Variants in UBTD1 observed in about 807,000 individuals in gnomAD.
The protein encoded by UBTD1 is ubiquitin domain-containing protein 1.
A neutral mutation model predicts 21.7 loss-of-function variants in UBTD1; 19 were observed. The ratio of observed to expected loss-of-function variants is 0.87; its 90% CI spans 0.61 to 1.28. The LOEUF is 1.28. Among genes scored for constraint, UBTD1 ranks in the 50% most tolerant of loss-of-function variants. The probability of loss-of-function intolerance (pLI) is 0.00; values close to 1 mark genes in which losing one functional copy is unlikely to be tolerated. For missense variants in UBTD1, 282 were observed against 315.1 expected, an observed-to-expected ratio of 0.89 and a Z score of 0.80; for synonymous variants, 116 against 135.1, an observed-to-expected ratio of 0.86 and a Z score of 0.98.
chr10:97,546,610 G>A (rs1172045609), intron 1 of UBTD1, among the ~76,000 whole-genome samples: 1 of 133,586 alleles, frequency 7.5e-6, no homozygotes, highest in Admixed American at 7.6e-5. Context: ...AAAAAAAGCT[G>A]ACAGAAGACC....
chr10:97,540,647 A>G (rs1485842979), intron 1 of UBTD1, among the ~76,000 whole-genome samples: 1 of 152,384 alleles, frequency 6.6e-6, no homozygotes, highest in East Asian at 1.9e-4. Context: ...GTTGAATAAC[A>G]TGCCTAAGTC....
chr10:97,545,116 C>T (rs1292976460), intron 1 of UBTD1, among the ~76,000 whole-genome samples: 3 of 150,984 alleles, frequency 2.0e-5, no homozygotes, highest in African/African-American at 4.9e-5. Flanking sequence ...GGGTGGATCA[C>T]GAGGTCAGGA....
chr10:97,536,598 G>A (rs946831577), intron 1 of UBTD1, among the ~76,000 whole-genome samples: 3 of 152,318 alleles, frequency 2.0e-5, no homozygotes, highest in African/African-American at 4.8e-5. Context: ...GGGCCCAGGG[G>A]CAGGGTGCCC....
Position 97,568,159 on chromosome 10 carries a change from G to A in UBTD1, c.298+18G>A. 1.9e-6 allele frequency: 3 copies of A among 1,612,954 alleles called. No homozygotes were observed. Among genetic ancestry groups the A allele is most frequent in the South Asian group, 1.1e-5 (1 of 90,984 alleles). The stretch of plus-strand genomic sequence containing the variant: ...GCCTCATGGTAAGTGGGCAGGGCCA[G>A]GGCTTTATCCCCGCTGGAGCTAGGG... On this transcript the variant is annotated intron_variant, in intron 2 of 2. Coordinates refer to ENST00000370664, the MANE Select transcript of UBTD1 (RefSeq NM_024954.5).
rs1417242030 is a variant in UBTD1 at position 97,511,928 on chromosome 10, G to A, written c.70+12655G>A. 3.3e-5 allele frequency among the ~76,000 whole-genome samples: 5 copies of A among 152,172 alleles called. No individual in the cohort carries two copies. In the South Asian group the frequency reaches 1.0e-3, roughly 32 times the overall value. ...AGGAAACTGAGGCTGTGGGGGGAGT[G>A]TTGAGACACTTGCTCATGAGAGTGG... On this transcript the variant is annotated intron_variant, in intron 1 of 2. Transcript: ENST00000370664.
rs1249311254 is a variant in UBTD1, at chr10:97,499,276, A to G, written c.70+3A>G. 3.2e-6 allele frequency: 5 copies of G among 1,548,130 alleles called. No homozygotes were observed. Among genetic ancestry groups the G allele is most frequent in the Non-Finnish European group, 4.4e-6 (5 of 1,145,610 alleles). ...GGGACACCCCCGCAAGCGAGCAGGT[A>G]ACGATGGGGAAGGGAGCAGGGCCTC... On this transcript the variant is annotated splice_donor_region_variant and intron_variant, in intron 1 of 2. Coordinates refer to ENST00000370664, the MANE Select transcript of UBTD1 (RefSeq NM_024954.5).
chr10:97,532,609 G>A (rs934613054), intron 1 of UBTD1, among the ~76,000 whole-genome samples: 1 of 152,178 alleles, frequency 6.6e-6, no homozygotes, highest in Non-Finnish European at 1.5e-5. Context: ...GGCCAACATG[G>A]TGAAACCCCG....
chr10:97,550,495 C>T (rs548938995), intron 1 of UBTD1, among the ~76,000 whole-genome samples: 1 of 152,318 alleles, frequency 6.6e-6, no homozygotes, highest in African/African-American at 2.4e-5. Flanking sequence ...CTGCCTCCGC[C>T]TGCCTCCCTG....
Position 97,533,208 on chromosome 10 carries a change from A to C in UBTD1, c.70+33935A>C, listed in dbSNP as rs941755865. Among the ~76,000 whole-genome samples, 3 of 152,304 alleles carry C rather than the reference A, an allele frequency of 2.0e-5. No individual in the cohort carries two copies. In the East Asian group the frequency reaches 5.8e-4, roughly 29 times the overall value. ...TTTCCACCAGCTGGGAGCTGAGCCC[A>C]TAGGGCTCCCTCCCTGACCCTTTGG... On this transcript the variant is annotated intron_variant, in intron 1 of 2. Coordinates refer to ENST00000370664, the MANE Select transcript of UBTD1 (RefSeq NM_024954.5).
chr10:97,550,838 C>T (rs1247980776), intron 1 of UBTD1, among the ~76,000 whole-genome samples: 1 of 152,164 alleles, frequency 6.6e-6, no homozygotes, highest in East Asian at 1.9e-4. Flanking sequence ...TTTCGGTGCC[C>T]TCCCTTGGGG....
intron 1 of UBTD1, among the ~76,000 whole-genome samples, chr10:97,526,326 A>T (rs183962969): frequency 6.6e-6 from 1 of 152,244 alleles, no homozygotes; most frequent in African/African-American, 2.4e-5. Context: ...GGACTTTATC[A>T]TAGAGAATGA....
At chr10:97,545,178 CA>C (rs879722203) in intron 1 of UBTD1, among the ~76,000 whole-genome samples, 321 of 133,952 alleles carry the variant, frequency 2.4e-3, no homozygotes, top group African/African-American at 4.4e-3. Flanking sequence ...ACTAAAAATA[CA>C]AAAAAAAAAA....
chr10:97,552,478 C>T (rs921063805), intron 1 of UBTD1, among the ~76,000 whole-genome samples: 5 of 145,040 alleles, frequency 3.4e-5, no homozygotes, highest in African/African-American at 1.3e-4. Context: ...TCACTGCAAC[C>T]TCCGCCTCCT....
chr10:97,521,489 C>T (rs1482020662), intron 1 of UBTD1, among the ~76,000 whole-genome samples: 2 of 152,192 alleles, frequency 1.3e-5, no homozygotes, highest in African/African-American at 2.4e-5. Context: ...GGGATTCTTG[C>T]GTCAGCTGGG....
chr10:97,568,040 A>G lies in UBTD1; in HGVS notation c.197A>G (p.Glu66Gly). The change falls in exon 2 of 3, where the codon GAG becomes GGG. Residue 66 changes from glutamate (E) to glycine (G), a missense_variant. Glu to Gly is a moderately conservative substitution (Grantham distance 98, BLOSUM62 -2). Coordinates refer to ENST00000370664, the MANE Select transcript of UBTD1 (RefSeq NM_024954.5). ...DTAPAFEGRKEIWDALKAAAY... is the reference protein window; with the variant it reads ...DTAPAFEGRKGIWDALKAAAY... Reference sequence around the variant, plus strand: ...GCGCCTGCCTTCGAGGGCCGCAAGGAGATCTGGGATGCCCTCAAGGCTGCC... The same window carrying G: ...GCGCCTGCCTTCGAGGGCCGCAAGGGGATCTGGGATGCCCTCAAGGCTGCC... The G allele has an allele frequency of 1.2e-6, 2 of 1,614,006 alleles. No homozygotes were observed. Among genetic ancestry groups the G allele is most frequent in the Non-Finnish European group, 1.7e-6 (2 of 1,180,038 alleles).
intron 1 of UBTD1, among the ~76,000 whole-genome samples, chr10:97,516,117 C>A (rs1341791549): frequency 6.6e-6 from 1 of 152,192 alleles, no homozygotes; most frequent in Admixed American, 6.5e-5. Flanking sequence ...GGGCCAGGGG[C>A]TCCCCAAGCC....
rs917649108 is a variant in UBTD1, at chr10:97,535,547, G to A, written c.71-32367G>A. Among the ~76,000 whole-genome samples the A allele has an allele frequency of 7.2e-5, 11 of 152,202 alleles. No individual in the cohort carries two copies. In the South Asian group the frequency reaches 1.5e-3, roughly 20 times the overall value. Reference sequence around the variant, plus strand: ...GGAGAATCGCTTGAACCCAGGAGGCGGAGGTTGCAGTGAGCAGACATTGAG... The same window carrying A: ...GGAGAATCGCTTGAACCCAGGAGGCAGAGGTTGCAGTGAGCAGACATTGAG... On this transcript the variant is annotated intron_variant, in intron 1 of 2. Coordinates refer to ENST00000370664, the MANE Select transcript of UBTD1 (RefSeq NM_024954.5).
intron 1 of UBTD1, among the ~76,000 whole-genome samples, chr10:97,560,580 A>G (rs1255809060): frequency 1.3e-5 from 2 of 152,146 alleles, no homozygotes; most frequent in Admixed American, 6.6e-5. Context: ...CTTGGCTTAC[A>G]GGTTACCTTG....
At chr10:97,547,239 G>C (rs552190241) in intron 1 of UBTD1, among the ~76,000 whole-genome samples, 1 of 152,366 alleles carries the variant, frequency 6.6e-6, no homozygotes, top group Non-Finnish European at 1.5e-5. Flanking sequence ...AGTGAGGGAG[G>C]TTGGACTGCT....
Sources: allele counts gnomAD v4.1 joint callset (sites outside exome capture counted in the v4.1 genomes callset), GRCh38; gene constraint gnomAD v4.1.1; transcripts MANE v1.5; gene names NCBI Gene and HGNC (gene_info 2026-07-23, HGNC 2026-07-21).